The following ODAD2 variants were observed in gnomAD, a reference collection of about 807,000 sequenced individuals.
ODAD2 encodes outer dynein arm docking complex subunit 2, also known as outer dynein arm-docking complex subunit 2.
A neutral mutation model predicts 106.8 loss-of-function variants in ODAD2; 89 were observed. That is an observed-to-expected ratio of 0.83 (90% CI 0.70 to 0.99). The LOEUF (loss-of-function observed/expected upper bound fraction) is 0.99, where lower values mean the gene tolerates loss of function less well. Among genes scored for constraint, ODAD2 ranks in the 50% least tolerant of loss-of-function variants. The pLI, the probability that ODAD2 is intolerant of heterozygous loss-of-function variation, is 0.00. For missense variants in ODAD2, 1,168 were observed against 1,238.5 expected (o/e 0.94, Z 0.85); for synonymous variants, 404 against 436.2 (o/e 0.93, Z 0.92).
chr10:27,823,397 G>T (rs934817271), intron 19 of ODAD2, among the ~76,000 whole-genome samples: 4 of 152,136 alleles, frequency 2.6e-5, no homozygotes, highest in African/African-American at 9.7e-5. Flanking sequence ...ATGCAGTAAA[G>T]TGGCTATGAG....
chr10:27,981,018 C>CTA (rs1849509703), intron 7 of ODAD2, among the ~76,000 whole-genome samples: 1 of 152,086 alleles, frequency 6.6e-6, no homozygotes, highest in South Asian at 2.1e-4. Flanking sequence ...CTGATACATG[C>CTA]TATAGCATGG....
At chr10:27,942,800 A>G (rs142758562) in intron 12 of ODAD2, among the ~76,000 whole-genome samples, 218 of 152,346 alleles carry the variant, frequency 1.4e-3, no homozygotes, top group African/African-American at 4.9e-3. Flanking sequence ...ACATTCTGCC[A>G]CATTCGTTTT....
At chr10:27,864,639 G>T (rs905143799) in intron 17 of ODAD2, among the ~76,000 whole-genome samples, 2 of 151,090 alleles carry the variant, frequency 1.3e-5, no homozygotes, top group African/African-American at 4.9e-5. Context: ...AGAGTGAGGA[G>T]TGGGGTGATA....
Position 27,944,251 on chromosome 10 carries a change from C to G in ODAD2, c.1714G>C (p.Val572Leu). ...TTGGTGATACCCCCGTGCTGCCTCACCACCCGCCGTGCTCTTTTAAACTTG... is the reference window on the plus strand; with the variant it reads ...TTGGTGATACCCCCGTGCTGCCTCAGCACCCGCCGTGCTCTTTTAAACTTG... The part of the protein sequence containing the change: ...VAKFKRARRV[V>L]RQHGGITKLV... The change falls in exon 12 of 20, where the codon GTG (valine) becomes CTG (leucine). Residue 572 changes from valine (V) to leucine (L), a missense_variant. Physicochemically the swap from Val to Leu is conservative, Grantham distance 32. Transcript: ENST00000305242. 1 of 1,613,376 alleles carries G rather than the reference C, an allele frequency of 6.2e-7. No homozygotes were observed. Among genetic ancestry groups the G allele is most frequent in the Non-Finnish European group, 8.5e-7 (1 of 1,179,950 alleles).
At chr10:27,864,897 G>T (rs113449646) in intron 17 of ODAD2, among the ~76,000 whole-genome samples, 5 of 152,188 alleles carry the variant, frequency 3.3e-5, no homozygotes, top group African/African-American at 1.2e-4. Context: ...TGCAAAATGG[G>T]TATTATTTCC....
chr10:27,972,443 T>C (rs1247696202), intron 7 of ODAD2, among the ~76,000 whole-genome samples: 1 of 152,152 alleles, frequency 6.6e-6, no homozygotes, highest in Non-Finnish European at 1.5e-5. Context: ...AGTAGTTACA[T>C]CAAATGAAAG....
Position 27,860,737 on chromosome 10 carries a change from C to A in ODAD2, c.2909G>T (p.Arg970Leu). ...GEHKAVAPLV[R>L]YLKSNDTNVH... ...GTTGGTGTCATTTGATTTCAGATAA[C>A]GCACTAGTGGAGCCACTGCTTTGTG... The change falls in exon 19 of 20, where the codon CGT becomes CTT. Residue 970 changes from arginine to leucine, a missense_variant. Physicochemically the swap from Arg to Leu is moderately radical, Grantham distance 102. This residue lies in a region of ODAD2 where 701 missense variants were observed against 712.3 expected (regional missense o/e 0.98). Transcript: ENST00000305242. The A allele has an allele frequency of 6.2e-7, 1 of 1,614,144 alleles. No individual in the cohort carries two copies. Among genetic ancestry groups the A allele is most frequent in the Non-Finnish European group, 8.5e-7 (1 of 1,180,006 alleles).
intron 19 of ODAD2, among the ~76,000 whole-genome samples, chr10:27,819,071 C>A (rs894334462): frequency 6.6e-6 from 1 of 152,162 alleles, no homozygotes; most frequent in Non-Finnish European, 1.5e-5. Flanking sequence ...GATGTTTGAA[C>A]ACCTGTATTC....
At chr10:27,963,810 A>AC (rs5784034) in intron 9 of ODAD2, among the ~76,000 whole-genome samples, 56,418 of 151,770 alleles carry the variant, frequency 0.37, 11,814 homozygotes, top group Middle Eastern at 0.56. Flanking sequence ...AGTTTTTTAG[A>AC]CCCCCATGCA....
intron 19 of ODAD2, among the ~76,000 whole-genome samples, chr10:27,841,851 C>T (rs1838330453): frequency 6.6e-6 from 1 of 151,656 alleles, no homozygotes; most frequent in Non-Finnish European, 1.5e-5. Context: ...ACCTCCCAGG[C>T]TAAAGTGATC....
rs35449629 is a variant in ODAD2 at position 27,909,817 on chromosome 10, GAAAAAAAAAA to G, written c.2496-2050_2496-2041del. On this transcript the variant is annotated intron_variant, in intron 16 of 19. Coordinates refer to ENST00000305242, the MANE Select transcript of ODAD2 (RefSeq NM_018076.5). ...TGGGCGACAAAGTGAGTCTTCATTT[GAAAAAAAAAA>G]AAAAAAAAAAAAAAAGACTCAGAAC... Among the ~76,000 whole-genome samples, 141 of 56,386 alleles carry G rather than the reference GAAAAAAAAAA, an allele frequency of 2.5e-3. 1 individual carries two copies. The highest frequency in any genetic ancestry group is 8.4e-3 in the African/African-American group (122 of 14,556). The allele number at this position is 56,386 out of a possible 152,430, so 37.0% of individuals were successfully genotyped here. A position where few individuals can be genotyped will look rare whatever the true frequency, so the allele number is the denominator to read the frequency against.
At chr10:27,987,213 C>T (rs2133157876) in intron 3 of ODAD2, among the ~76,000 whole-genome samples, 173 bp downstream of exon 3, 1 of 152,310 alleles carries the variant, frequency 6.6e-6, no homozygotes, top group Admixed American at 6.5e-5. Context: ...CATAATATTG[C>T]AGCCAAGGAA....
At chr10:27,829,540 T>C (rs1394988768) in intron 19 of ODAD2, among the ~76,000 whole-genome samples, 1 of 152,226 alleles carries the variant, frequency 6.6e-6, no homozygotes, top group East Asian at 1.9e-4. Flanking sequence ...ATGTCAAATG[T>C]GGTTGTTATT....
chr10:27,856,606 C>T (rs1303145034), intron 19 of ODAD2, among the ~76,000 whole-genome samples: 1 of 152,190 alleles, frequency 6.6e-6, no homozygotes, highest in Non-Finnish European at 1.5e-5. Flanking sequence ...CTCCACTCTC[C>T]ACTCTGGAAT....
intron 16 of ODAD2, among the ~76,000 whole-genome samples, chr10:27,922,601 A>T (rs1380712457): frequency 6.6e-6 from 1 of 152,082 alleles, no homozygotes; most frequent in Non-Finnish European, 1.5e-5. Context: ...ACCAATAAAA[A>T]CTGAGAAACT....
At chr10:27,907,278 G>A (rs755352502) in intron 17 of ODAD2, among the ~76,000 whole-genome samples, 1 of 152,164 alleles carries the variant, frequency 6.6e-6, no homozygotes, top group Non-Finnish European at 1.5e-5. Context: ...ACTGCAGGCT[G>A]TAAGGACAAT....
chr10:27,958,209 A>C (rs1170216347), intron 10 of ODAD2, among the ~76,000 whole-genome samples: 1 of 152,200 alleles, frequency 6.6e-6, no homozygotes, highest in African/African-American at 2.4e-5. Context: ...TTATTGATGA[A>C]TAACTTGTGC....
chr10:27,877,421 T>G (rs183797244), intron 17 of ODAD2, among the ~76,000 whole-genome samples: 11 of 152,314 alleles, frequency 7.2e-5, no homozygotes, highest in African/African-American at 2.4e-4. Context: ...CAGGGTCCCA[T>G]AAGCTTCCTA....
intron 16 of ODAD2, among the ~76,000 whole-genome samples, chr10:27,927,931 T>C (rs895692730): frequency 2.6e-5 from 4 of 152,136 alleles, no homozygotes; most frequent in African/African-American, 9.7e-5. Context: ...CAAATATTCA[T>C]AATATTATAC....
Sources: allele counts gnomAD v4.1 joint callset (sites outside exome capture counted in the v4.1 genomes callset), GRCh38; gene constraint gnomAD v4.1.1; regional missense constraint gnomAD v4.1.1; transcripts MANE v1.5; gene names NCBI Gene and HGNC (gene_info 2026-07-23, HGNC 2026-07-21).